Variants in SCAND3 observed in about 807,000 individuals in gnomAD.
SCAND3 encodes SCAN domain containing 3.
At chr6:28,614,916 A>G in the SCAND3 span, among the ~76,000 whole-genome samples, 8 of 152,354 alleles carry the variant, frequency 5.3e-5, no homozygotes, top group African/African-American at 1.9e-4. Flanking sequence ...AATTTTCCCA[A>G]GGAATTTTAA....
chr6:28,575,314 G>T, the SCAND3 span: 1 of 1,613,962 alleles, frequency 6.2e-7, no homozygotes. This position sits in a 1 kb window ranked among gnomAD's most constrained non-coding sequence, Gnocchi z 4.2. Flanking sequence ...GCAGGTCTGA[G>T]ACTTCCCATG....
the SCAND3 span, chr6:28,573,408 T>C: frequency 6.2e-7 from 1 of 1,614,126 alleles, no homozygotes; most frequent in East Asian, 2.2e-5. Context: ...CAACCGGAAG[T>C]GCTACTTTAT....
the SCAND3 span, chr6:28,572,220 TAG>T: frequency 6.2e-7 from 1 of 1,613,972 alleles, no homozygotes; most frequent in Non-Finnish European, 8.5e-7. The surrounding 1 kb of genome is among the most constrained non-coding windows in gnomAD (Gnocchi z 4.1). Context: ...ACTTATCCTG[TAG>T]AGTTACAGTT....
chr6:28,595,330 C>CAAAAAA, the SCAND3 span, among the ~76,000 whole-genome samples: 344 of 37,068 alleles, frequency 9.3e-3, 11 homozygotes, highest in Middle Eastern at 0.023. Context: ...AACCCAGTCT[C>CAAAAAA]AAAAAAAAAA....
At chr6:28,598,689 A>AC in the SCAND3 span, among the ~76,000 whole-genome samples, 48 of 106,392 alleles carry the variant, frequency 4.5e-4, no homozygotes, top group South Asian at 7.6e-3. Context: ...TACTAAAAAT[A>AC]AAATAAAATA....
chr6:28,593,600 G>C, the SCAND3 span: 1 of 152,262 alleles, frequency 6.6e-6, no homozygotes, highest in Non-Finnish European at 1.5e-5. Context: ...GCTTGAAACC[G>C]GGAGGCGGAG....
chr6:28,602,687 G>A, the SCAND3 span, among the ~76,000 whole-genome samples: 1 of 151,980 alleles, frequency 6.6e-6, no homozygotes, highest in East Asian at 1.9e-4. Flanking sequence ...CCATTGACTT[G>A]GCTTATAATA....
chr6:28,586,895 C>T, the SCAND3 span: 14 of 596,010 alleles, frequency 2.3e-5, 1 homozygote, highest in South Asian at 2.9e-4. The surrounding 1 kb of genome is among the most constrained non-coding windows in gnomAD (Gnocchi z 4.4). Flanking sequence ...CAACACAGGG[C>T]AGTTACTCGG....
At chr6:28,599,468 C>T in the SCAND3 span, among the ~76,000 whole-genome samples, 1 of 152,102 alleles carries the variant, frequency 6.6e-6, no homozygotes, top group Non-Finnish European at 1.5e-5. Flanking sequence ...GCTCAAATCT[C>T]GTCTTGAATT....
At chr6:28,596,914 G>A in the SCAND3 span, among the ~76,000 whole-genome samples, 2 of 152,138 alleles carry the variant, frequency 1.3e-5, no homozygotes, top group Non-Finnish European at 2.9e-5. Flanking sequence ...GCAAAATATA[G>A]TATCAATAAC....
chr6:28,603,874 C>T, the SCAND3 span, among the ~76,000 whole-genome samples: 10 of 152,156 alleles, frequency 6.6e-5, no homozygotes, highest in Non-Finnish European at 1.5e-4. Flanking sequence ...AGCTGGGACT[C>T]GCTGCTCCTG....
At chr6:28,602,598 T>C in the SCAND3 span, among the ~76,000 whole-genome samples, 1 of 152,238 alleles carries the variant, frequency 6.6e-6, no homozygotes, top group East Asian at 1.9e-4. Context: ...ATAAAGCTTA[T>C]GATTTTGGCA....
At chr6:28,591,606 G>A in the SCAND3 span, 4 of 152,140 alleles carry the variant, frequency 2.6e-5, no homozygotes, top group South Asian at 2.1e-4. Flanking sequence ...CAAGTTCCTC[G>A]TAGTCACTTT....
the SCAND3 span, among the ~76,000 whole-genome samples, chr6:28,576,340 A>C: frequency 6.6e-6 from 1 of 152,072 alleles, no homozygotes. Context: ...GCTCACTGCA[A>C]CTTCTGCCTC....
At chr6:28,595,345 A>AAAAG in the SCAND3 span, among the ~76,000 whole-genome samples, 2 of 148,298 alleles carry the variant, frequency 1.3e-5, no homozygotes, top group African/African-American at 5.0e-5. Context: ...AAAAAAAAAA[A>AAAAG]AAAAAAAAAA....
At chr6:28,606,424 A>G in the SCAND3 span, among the ~76,000 whole-genome samples, 1 of 152,090 alleles carries the variant, frequency 6.6e-6, no homozygotes, top group Admixed American at 6.6e-5. Flanking sequence ...CGAGAAACCA[A>G]TAATTTTTCA....
At chr6:28,603,507 T>C in the SCAND3 span, among the ~76,000 whole-genome samples, 8,933 of 152,212 alleles carry the variant, frequency 0.059, 596 homozygotes, top group African/African-American at 0.16. Flanking sequence ...CAGTATGAGG[T>C]GTGTAGTTAT....
At chr6:28,572,691 T>C in the SCAND3 span, 1 of 1,614,096 alleles carries the variant, frequency 6.2e-7, no homozygotes, top group Non-Finnish European at 8.5e-7. This position sits in a 1 kb window ranked among gnomAD's most constrained non-coding sequence, Gnocchi z 4.1. Flanking sequence ...TTGACAGAAC[T>C]TTTCCCCGTG....
the SCAND3 span, among the ~76,000 whole-genome samples, chr6:28,577,082 C>T: frequency 1.6e-4 from 25 of 152,250 alleles, no homozygotes; most frequent in Admixed American, 1.6e-3. Context: ...CTATTAACTA[C>T]AAACTCAATA....
Sources: allele counts gnomAD v4.1 joint callset (sites outside exome capture counted in the v4.1 genomes callset), GRCh38; gene constraint gnomAD v4.1.1; non-coding constraint Gnocchi (gnomAD v3.1); transcripts MANE v1.5; gene names NCBI Gene and HGNC (gene_info 2026-07-23, HGNC 2026-07-21).